The following SPPL3 variants were observed in gnomAD, a reference collection of about 807,000 sequenced individuals.
SPPL3 encodes the protein signal peptide peptidase like 3.
Under a neutral mutation model 42.4 loss-of-function variants are expected in SPPL3, and 5 were observed. That is an observed-to-expected ratio of 0.12 (90% CI 0.06 to 0.25). The LOEUF is 0.25. SPPL3 is among the 10% of genes least tolerant of loss of function. The probability of loss-of-function intolerance (pLI) is 1.00; values close to 1 mark genes in which losing one functional copy is unlikely to be tolerated. For missense variants in SPPL3, 235 were observed against 489.0 expected, an observed-to-expected ratio of 0.48 and a Z score of 4.90; for synonymous variants, 195 against 181.8, an observed-to-expected ratio of 1.07 and a Z score of -0.58.
At chr12:120,775,977 T>C (rs1034550774) in intron 6 of SPPL3, among the ~76,000 whole-genome samples, 11 of 151,662 alleles carry the variant, frequency 7.3e-5, no homozygotes, top group Non-Finnish European at 1.5e-4. Context: ...TGAAAGATAA[T>C]ATTCACAGCA....
At chr12:120,842,354 G>C (rs945906558) in intron 1 of SPPL3, among the ~76,000 whole-genome samples, 6 of 152,142 alleles carry the variant, frequency 3.9e-5, no homozygotes, top group African/African-American at 1.4e-4. Flanking sequence ...GATAAGGGCA[G>C]AACATTACAC....
intron 1 of SPPL3, among the ~76,000 whole-genome samples, chr12:120,817,467 C>T (rs1592977332): frequency 6.6e-6 from 1 of 152,302 alleles, no homozygotes; most frequent in East Asian, 1.9e-4. Flanking sequence ...CTCTTTTAAT[C>T]ACCCAATATT....
At position 120,809,689 on chromosome 12, in the gene SPPL3, C is replaced by T. The variant is rs147531707; in HGVS notation, c.101+1120G>A. ...GTCTCTAGTGTCTATATTTTCCCTC[C>T]TATTCCTATGGCTGCCTGCTGAGAT... is the stretch of plus-strand genomic sequence containing the variant. On this transcript the variant is annotated intron_variant, in intron 2 of 10. Transcript: ENST00000353487. Among the ~76,000 whole-genome samples the T allele has an allele frequency of 4.1e-3, 622 of 152,264 alleles. 2 individuals carry two copies. The highest frequency in any genetic ancestry group is 0.014 in the African/African-American group (594 of 41,538).
chr12:120,878,204 T>TAAAAAAC (rs556503041), intron 1 of SPPL3, among the ~76,000 whole-genome samples: 19 of 152,050 alleles, frequency 1.2e-4, no homozygotes, highest in Non-Finnish European at 2.5e-4. Context: ...ATGTAGTATT[T>TAAAAAAC]AAAAAACAAA....
intron 1 of SPPL3, among the ~76,000 whole-genome samples, chr12:120,844,532 C>A (rs534655595): frequency 5.9e-5 from 9 of 152,294 alleles, no homozygotes; most frequent in African/African-American, 2.2e-4. Context: ...GCCTGCCCCC[C>A]ACACCCCACA....
rs184741206 is a variant in SPPL3 at position 120,858,893 on chromosome 12, T to C, written c.23+44952A>G. On this transcript the variant is annotated intron_variant, in intron 1 of 10. Transcript: ENST00000353487. ...ATTTATAAGCAGCCAAACTATGAAG[T>C]GAAACTGCAGGGTCACATGGTAAAT... is the stretch of plus-strand genomic sequence containing the variant. 1.4e-3 allele frequency among the ~76,000 whole-genome samples: 207 copies of C among 152,308 alleles called. 1 individual carries two copies. The highest frequency in any genetic ancestry group is 2.7e-3 in the Admixed American group (42 of 15,300).
At chr12:120,895,878 C>G (rs115502559) in intron 1 of SPPL3, among the ~76,000 whole-genome samples, 2,628 of 152,216 alleles carry the variant, frequency 0.017, 86 homozygotes, top group African/African-American at 0.059. Context: ...TTTCCTGATT[C>G]GAAGAAACCG....
Position 120,768,966 on chromosome 12 carries a change from T to C in SPPL3, c.596A>G (p.Tyr199Cys). 6.2e-7 allele frequency: 1 copy of C among 1,610,034 alleles called. No individual in the cohort carries two copies. The highest frequency in any genetic ancestry group is 8.5e-7 in the Non-Finnish European group (1 of 1,178,670). Residue 199 changes from tyrosine (Y) to cysteine (C), a missense_variant, in exon 7 of 11, where the codon TAT (tyrosine) becomes TGT (cysteine). By Grantham distance (194) the Tyr-to-Cys change is radical. Coordinates refer to ENST00000353487, the MANE Select transcript of SPPL3 (RefSeq NM_139015.5). ...ATAAACGCTTACCCAAAAGACATCA[T>C]AGATGAGAAGCCCTGAGAGAAGCAG... ...SCLLLSGLLI[Y>C]DVFWVFFSAY...
chr12:120,855,126 C>G (rs920007415), intron 1 of SPPL3, among the ~76,000 whole-genome samples: 1 of 152,066 alleles, frequency 6.6e-6, no homozygotes, highest in South Asian at 2.1e-4. Flanking sequence ...GGATGGATCA[C>G]TAGACCCCAC....
At chr12:120,858,221 T>G (rs975311749) in intron 1 of SPPL3, among the ~76,000 whole-genome samples, 2 of 152,170 alleles carry the variant, frequency 1.3e-5, no homozygotes, top group Non-Finnish European at 2.9e-5. Flanking sequence ...CTCACGCCTG[T>G]AATTCCAGTA....
chr12:120,893,154 T>TA lies in SPPL3; in HGVS notation c.23+10690dup, dbSNP rs959589098. 7.2e-4 allele frequency among the ~76,000 whole-genome samples: 107 copies of TA among 149,418 alleles called. 1 individual carries two copies. Among genetic ancestry groups the TA allele is most frequent in the East Asian group, 2.2e-3 (11 of 4,950 alleles). ...AGAAATCTCTAAACTGAAACTACAGTAAAAAAAAATACTGGGTCAGGTGCA... is the reference window on the plus strand; with the variant it reads ...AGAAATCTCTAAACTGAAACTACAGTAAAAAAAAAATACTGGGTCAGGTGCA... On this transcript the variant is annotated intron_variant, in intron 1 of 10. Transcript: ENST00000353487.
chr12:120,813,841 G>T (rs909558060), intron 1 of SPPL3, among the ~76,000 whole-genome samples: 1 of 152,054 alleles, frequency 6.6e-6, no homozygotes, highest in Non-Finnish European at 1.5e-5. Context: ...CTCTACTAGA[G>T]ACTTTCTACT....
intron 1 of SPPL3, among the ~76,000 whole-genome samples, chr12:120,896,184 C>T (rs527850045): frequency 6.6e-6 from 1 of 152,264 alleles, no homozygotes; most frequent in Non-Finnish European, 1.5e-5. Context: ...CTAAGGCATA[C>T]TCCTTAGTCT....
intron 1 of SPPL3, among the ~76,000 whole-genome samples, chr12:120,897,011 ACT>A (rs1244184591): frequency 6.6e-6 from 1 of 152,112 alleles, no homozygotes; most frequent in Non-Finnish European, 1.5e-5. Flanking sequence ...GGTTATCAAC[ACT>A]CTCTTTCTCT....
intron 1 of SPPL3, among the ~76,000 whole-genome samples, chr12:120,856,501 A>ATTTTTT (rs1872462217): frequency 9.5e-6 from 1 of 105,572 alleles, no homozygotes; most frequent in Non-Finnish European, 2.0e-5. Context: ...AACAATTTTC[A>ATTTTTT]TCTTTTTTTT....
At chr12:120,902,946 T>A (rs117679209) in intron 1 of SPPL3, among the ~76,000 whole-genome samples, 3,044 of 152,036 alleles carry the variant, frequency 0.02, 59 homozygotes, top group South Asian at 0.05. Flanking sequence ...TCATGTTCCT[T>A]CCCCCAAACC....
chr12:120,818,690 T>C (rs1870958332), intron 1 of SPPL3, among the ~76,000 whole-genome samples: 1 of 152,226 alleles, frequency 6.6e-6, no homozygotes, highest in Non-Finnish European at 1.5e-5. Context: ...GACATTGCCT[T>C]AGACCAGCAC....
At chr12:120,822,961 C>G (rs1047613589) in intron 1 of SPPL3, among the ~76,000 whole-genome samples, 5 of 151,870 alleles carry the variant, frequency 3.3e-5, no homozygotes, top group Non-Finnish European at 7.4e-5. Flanking sequence ...CTACCACCCA[C>G]CAAGAATTGC....
intron 1 of SPPL3, among the ~76,000 whole-genome samples, chr12:120,818,890 A>T (rs1371039599): frequency 6.6e-6 from 1 of 152,360 alleles, no homozygotes; most frequent in Middle Eastern, 3.4e-3. Context: ...GCAAATATCT[A>T]TTTTCCAAAA....
Sources: allele counts gnomAD v4.1 joint callset (sites outside exome capture counted in the v4.1 genomes callset), GRCh38; gene constraint gnomAD v4.1.1; transcripts MANE v1.5; gene names NCBI Gene and HGNC (gene_info 2026-07-23, HGNC 2026-07-21).